TOPBP1: variants seen among roughly 807,000 people sequenced by gnomAD.
TOPBP1 encodes the protein DNA topoisomerase 2-binding protein 1.
A neutral mutation model predicts 167.7 loss-of-function variants in TOPBP1; 28 were observed. That is an observed-to-expected ratio of 0.17 (90% CI 0.12 to 0.23). TOPBP1 has a LOEUF of 0.23. Ranked by LOEUF, TOPBP1 falls within the 10% of genes least tolerant of loss-of-function variation. The pLI is 1.00. For synonymous variants in TOPBP1, 598 were observed against 611.4 expected (o/e 0.98, Z 0.32); for missense variants, 1,554 against 1,809.6 (o/e 0.86, Z 2.56).
intron 27 of TOPBP1, 68 bp downstream of exon 27, chr3:133,608,467 C>A: frequency 6.5e-7 from 1 of 1,539,344 alleles, no homozygotes; most frequent in Non-Finnish European, 8.8e-7. Context: ...TTTTGTTGTG[C>A]AGTTACTTAT....
At chr3:133,606,183 G>A (rs1201926645) in intron 27 of TOPBP1, among the ~76,000 whole-genome samples, 1 of 152,088 alleles carries the variant, frequency 6.6e-6, no homozygotes, top group African/African-American at 2.4e-5. Flanking sequence ...GTGAGACCTT[G>A]CCTCAAAATA....
chr3:133,640,301 T>C, intron 12 of TOPBP1, 131 bp from the exon 13 acceptor site: 4 of 785,704 alleles, frequency 5.1e-6, no homozygotes, highest in Admixed American at 2.7e-5. Flanking sequence ...TAAAAGTTGG[T>C]TTACTCTATC....
intron 8 of TOPBP1, among the ~76,000 whole-genome samples, 183 bp from the exon 9 acceptor site, chr3:133,650,126 C>T (rs1406816502): frequency 6.6e-6 from 1 of 152,080 alleles, no homozygotes; most frequent in African/African-American, 2.4e-5. Flanking sequence ...TTTTTAATCA[C>T]TCTTTACAAT....
chr3:133,636,220 A>G (rs186502639), intron 14 of TOPBP1, among the ~76,000 whole-genome samples: 126 of 152,242 alleles, frequency 8.3e-4, no homozygotes, highest in African/African-American at 2.7e-3. Flanking sequence ...TTAGCAGTAT[A>G]TTTATTGTAC....
At chr3:133,601,418 T>C in intron 27 of TOPBP1, 25 bp from the exon 28 acceptor site, 1 of 1,432,736 alleles carries the variant, frequency 7.0e-7, no homozygotes, top group Admixed American at 3.2e-5. Flanking sequence ...ATAAGTGATT[T>C]TTTAAAATGA....
chr3:133,637,862 C>T lies in TOPBP1; in HGVS notation c.2520+14G>A, dbSNP rs1385426382. ...AAAACTGTTAACTCTGGGACCACTG[C>T]CTATAAACCTTACCTTCACATCAAA... On this transcript the variant is annotated intron_variant, in intron 14 of 27. Transcript: ENST00000260810. 6.2e-7 allele frequency: 1 copy of T among 1,611,688 alleles called. No individual in the cohort carries two copies. The highest frequency in any genetic ancestry group is 8.5e-7 in the Non-Finnish European group (1 of 1,178,254).
intron 14 of TOPBP1, among the ~76,000 whole-genome samples, chr3:133,635,167 G>A (rs1004713247): frequency 6.6e-6 from 1 of 152,082 alleles, no homozygotes; most frequent in Non-Finnish European, 1.5e-5. Context: ...TGTTGCCCAG[G>A]CTGGTGTCCA....
intron 27 of TOPBP1, 99 bp downstream of exon 27, chr3:133,608,436 C>T: frequency 7.5e-7 from 1 of 1,336,164 alleles, no homozygotes; most frequent in Non-Finnish European, 1.0e-6. Flanking sequence ...GACTAATCTT[C>T]TACTAATCAT....
intron 8 of TOPBP1, among the ~76,000 whole-genome samples, chr3:133,650,486 T>G (rs1314750040): frequency 6.6e-6 from 1 of 152,118 alleles, no homozygotes; most frequent in Admixed American, 6.5e-5. Flanking sequence ...CTCACAGAGT[T>G]GACTGAACAA....
rs144880285 is a variant in TOPBP1 at position 133,641,318 on chromosome 3, G to A, written c.2022-1148C>T. ...TTGCTGTCCATTAATTAAACTTTCT[G>A]CTACACGTAACCACACTGTTATTTA... On this transcript the variant is annotated intron_variant, in intron 12 of 27. Coordinates refer to ENST00000260810, the MANE Select transcript of TOPBP1 (RefSeq NM_007027.4). Among the ~76,000 whole-genome samples the A allele has an allele frequency of 4.6e-5, 7 of 152,136 alleles. No individual in the cohort carries two copies. The East Asian group carries it at 1.4e-3, about 29-fold the overall frequency.
intron 24 of TOPBP1, among the ~76,000 whole-genome samples, chr3:133,612,027 C>T (rs1010916505): frequency 9.9e-5 from 15 of 151,640 alleles, no homozygotes; most frequent in South Asian, 6.3e-4. Flanking sequence ...GAGCCAGCCA[C>T]TGCCAGCCAA....
chr3:133,601,485 A>C (rs1053354545), intron 27 of TOPBP1, 92 bp from the exon 28 acceptor site: 1 of 1,044,212 alleles, frequency 9.6e-7, no homozygotes, highest in Admixed American at 3.4e-5. Flanking sequence ...CAGACCTCTC[A>C]GGGATGAATC....
intron 5 of TOPBP1, 97 bp from the exon 6 acceptor site, chr3:133,655,583 G>A: frequency 1.5e-6 from 1 of 658,872 alleles, no homozygotes; most frequent in Non-Finnish European, 2.2e-6. Context: ...TCATTTTTTA[G>A]GATTTATAAT....
rs1474784118 is a variant in TOPBP1 at position 133,644,230 on chromosome 3, T to C, written c.1638A>G (p.Thr546=). The C allele has an allele frequency of 6.2e-7, 1 of 1,613,906 alleles. No individual in the cohort carries two copies. Among genetic ancestry groups the C allele is most frequent in the South Asian group, 1.1e-5 (1 of 91,076 alleles). The change falls in exon 11 of 28, where the codon ACA becomes ACG. Residue 546 remains threonine (T), a synonymous_variant. Coordinates refer to ENST00000260810, the MANE Select transcript of TOPBP1 (RefSeq NM_007027.4). ...SVSHCVPDVS[T]ITEEGLFSQK... ...GGCTAAATAAGCCTTCTTCAGTAAT[T>C]GTAGAAACATCAGGGACACAATGAC...
At chr3:133,628,069 A>G (rs1370121379) in intron 16 of TOPBP1, 3 of 344,666 alleles carry the variant, frequency 8.7e-6, no homozygotes, top group East Asian at 1.3e-4. Flanking sequence ...CTTTTAGACT[A>G]TACTGATCCT....
chr3:133,613,460 C>T (rs1934749762), intron 23 of TOPBP1, among the ~76,000 whole-genome samples: 3 of 152,036 alleles, frequency 2.0e-5, no homozygotes, highest in African/African-American at 7.2e-5. Flanking sequence ...TTTTCAAGCA[C>T]CGAATATGGG....
chr3:133,660,252 T>C (rs1936643402), intron 2 of TOPBP1, among the ~76,000 whole-genome samples: 1 of 152,184 alleles, frequency 6.6e-6, no homozygotes, highest in Non-Finnish European at 1.5e-5. Flanking sequence ...AACCCCCTTC[T>C]CTTCCCACCC....
chr3:133,641,895 C>T (rs1172590564), intron 12 of TOPBP1, among the ~76,000 whole-genome samples: 1 of 152,172 alleles, frequency 6.6e-6, no homozygotes, highest in African/African-American at 2.4e-5. Context: ...CTTAAGTCCA[C>T]CACCCAGGTC....
At position 133,624,121 on chromosome 3, in the gene TOPBP1, G is replaced by A. The variant is rs1320136447; in HGVS notation, c.2859C>T (p.Asp953=). The A allele has an allele frequency of 1.2e-6, 2 of 1,613,796 alleles. No individual in the cohort carries two copies. Among genetic ancestry groups the A allele is most frequent in the Admixed American group, 1.7e-5 (1 of 60,016 alleles). The change falls in exon 17 of 28, where the codon GAC becomes GAT. Residue 953 remains aspartate (D), a synonymous_variant. Transcript: ENST00000260810. ...TTACAGATTTATACTCCCGATTAGT[G>A]TCATTTGGCCGCCCTTGATAGATGA... is the stretch of plus-strand genomic sequence containing the variant. ...THFIYQGRPN[D]TNREYKSVKE...
Sources: allele counts gnomAD v4.1 joint callset (sites outside exome capture counted in the v4.1 genomes callset), GRCh38; gene constraint gnomAD v4.1.1; transcripts MANE v1.5; gene names NCBI Gene and HGNC (gene_info 2026-07-23, HGNC 2026-07-21).